Variants in WNT4 observed in about 807,000 individuals in gnomAD.
WNT4 encodes Wnt family member 4, also known as protein Wnt-4.
In WNT4, 16 loss-of-function variants were observed where a neutral mutation model predicts 34.5. The ratio of observed to expected loss-of-function variants is 0.46; its 90% CI spans 0.31 to 0.70. WNT4 has a LOEUF of 0.70. WNT4 is among the 30% of genes least tolerant of loss of function. The pLI, the probability that WNT4 is intolerant of heterozygous loss-of-function variation, is 0.04. For missense variants in WNT4, 379 were observed against 495.9 expected (o/e 0.76, Z 2.24); for synonymous variants, 200 against 211.9 (o/e 0.94, Z 0.49).
intron 4 of WNT4, 134 bp from the exon 5 acceptor site, chr1:22,120,651 CT>C: frequency 1.1e-6 from 1 of 909,910 alleles, no homozygotes. Flanking sequence ...TGTGCCTCCT[CT>C]TAGGAATTAC....
rs141055879 is a variant in WNT4, at chr1:22,132,169, C to T, written c.78-2318G>A. Among the ~76,000 whole-genome samples the T allele has an allele frequency of 3.2e-4, 48 of 152,330 alleles. No homozygotes were observed. In the East Asian group the frequency reaches 7.7e-3, roughly 24 times the overall value. On this transcript the variant is annotated intron_variant, in intron 1 of 4. Transcript: ENST00000290167. The stretch of plus-strand genomic sequence containing the variant: ...TGGGGGGACAAGGAATTGAGCCTGA[C>T]GTTGGATCCTTTCCTGCTCAGACCG...
chr1:22,123,993 C>T (rs1160633359), intron 2 of WNT4, among the ~76,000 whole-genome samples: 1 of 152,218 alleles, frequency 6.6e-6, no homozygotes, highest in African/African-American at 2.4e-5. Context: ...GCTCCTCCAG[C>T]CTTCTCTACC....
intron 1 of WNT4, among the ~76,000 whole-genome samples, chr1:22,141,446 C>G (rs1646065890): frequency 6.6e-6 from 1 of 152,160 alleles, no homozygotes; most frequent in Non-Finnish European, 1.5e-5. Context: ...CCCTCCCCAG[C>G]TCTGTGACCC....
intron 1 of WNT4, among the ~76,000 whole-genome samples, chr1:22,133,622 C>T (rs757013579): frequency 2.0e-5 from 3 of 152,264 alleles, no homozygotes; most frequent in Admixed American, 6.5e-5. Flanking sequence ...AATTTAGGCT[C>T]CTTCCTGCCA....
chr1:22,127,262 G>C (rs1458144177), intron 2 of WNT4: 1 of 514,188 alleles, frequency 1.9e-6, no homozygotes, highest in South Asian at 1.5e-5. Flanking sequence ...GGCCTAGTAG[G>C]AATCTCAGTG....
Position 22,142,705 on chromosome 1 carries a change from G to T in WNT4, c.77+141C>A. On this transcript the variant is annotated intron_variant, in intron 1 of 4. Coordinates refer to ENST00000290167, the MANE Select transcript of WNT4 (RefSeq NM_030761.5). This position sits in a 1 kb window ranked among gnomAD's most constrained non-coding sequence, Gnocchi z 6.0. ...CGTTCGGGCCGTGGCGGCGGCAGCG[G>T]AGCGAGCGAGCCTCCGGTCCCGCGG... 1 of 509,508 alleles carries T rather than the reference G, an allele frequency of 2.0e-6. No homozygotes were observed. Among genetic ancestry groups the T allele is most frequent in the African/African-American group, 2.1e-5 (1 of 47,990 alleles). The allele number at this position is 509,508 out of a possible 1,614,324, so 31.6% of individuals were successfully genotyped here.
intron 2 of WNT4, among the ~76,000 whole-genome samples, chr1:22,128,250 G>A (rs1177866414): frequency 1.3e-5 from 2 of 152,206 alleles, no homozygotes; most frequent in Non-Finnish European, 2.9e-5. Context: ...AAGCCCAGCA[G>A]CCCCGGCCGT....
chr1:22,118,292 G>A lies in WNT4; in HGVS notation c.*1758C>T, dbSNP rs1363922126. 2 of 152,218 alleles carry A rather than the reference G, an allele frequency of 1.3e-5. No homozygotes were observed. The highest frequency in any genetic ancestry group is 2.9e-5 in the Non-Finnish European group (2 of 68,048). 9.4% of individuals were successfully genotyped at this position (152,218 alleles called of 1,614,324 possible). On this transcript the variant is annotated 3_prime_UTR_variant, in exon 5 of 5. Transcript: ENST00000290167. ...AGCTTGGAGTCTGGGAACCCCAAGT[G>A]GGGGATCACAGAGCATAAAATCTCC...
At chr1:22,128,200 A>T (rs1645954802) in intron 2 of WNT4, among the ~76,000 whole-genome samples, 1 of 152,194 alleles carries the variant, frequency 6.6e-6, no homozygotes, top group Non-Finnish European at 1.5e-5. Flanking sequence ...CCAAATTTCT[A>T]TCACAGTTGG....
In WNT4 at chr1:22,142,928, C is replaced by A. The variant is rs1299178529; in HGVS notation, c.-6G>T. 1.8e-6 allele frequency: 2 copies of A among 1,129,446 alleles called. No homozygotes were observed. Among genetic ancestry groups the A allele is most frequent in the Non-Finnish European group, 2.2e-6 (2 of 902,614 alleles). The allele number at this position is 1,129,446 out of a possible 1,614,324, so 70.0% of individuals were successfully genotyped here. On this transcript the variant is annotated 5_prime_UTR_variant, in exon 1 of 5. Transcript: ENST00000290167. The surrounding 1 kb of genome is among the most constrained non-coding windows in gnomAD (Gnocchi z 6.0). ...AGGCACGAGCGGGGACTCATGGTGC[C>A]GCCGCGGGCGCCCGGCCCGGGGCAG...
At chr1:22,128,406 G>A (rs112116714) in intron 2 of WNT4, among the ~76,000 whole-genome samples, 213 of 152,344 alleles carry the variant, frequency 1.4e-3, no homozygotes, top group African/African-American at 5.1e-3. Context: ...ATGGTTTAGA[G>A]TACTTCCTTG....
intron 1 of WNT4, among the ~76,000 whole-genome samples, chr1:22,133,077 A>G (rs1421858518): frequency 2.0e-5 from 3 of 152,144 alleles, no homozygotes; most frequent in African/African-American, 7.2e-5. Flanking sequence ...TCCCACAGCT[A>G]GAGCGGCGAG....
At chr1:22,131,875 G>T (rs142046105) in intron 1 of WNT4, among the ~76,000 whole-genome samples, 2 of 152,228 alleles carry the variant, frequency 1.3e-5, no homozygotes, top group Admixed American at 1.3e-4. Context: ...CAGACTGGTG[G>T]TGTCCTGACA....
At position 22,134,631 on chromosome 1, in the gene WNT4, G is replaced by C. The variant is rs190229031; in HGVS notation, c.78-4780C>G. Among the ~76,000 whole-genome samples, 306 of 152,314 alleles carry C rather than the reference G, an allele frequency of 2.0e-3. No individual in the cohort carries two copies. Among genetic ancestry groups the C allele is most frequent in the African/African-American group, 7.0e-3 (292 of 41,562 alleles). ...GCCTCAGCGTGTTCATCTGTAAAGT[G>C]GGGAGACTGGAATTCCTGCACGCAG... On this transcript the variant is annotated intron_variant, in intron 1 of 4. Coordinates refer to ENST00000290167, the MANE Select transcript of WNT4 (RefSeq NM_030761.5). The surrounding 1 kb of genome is among the most constrained non-coding windows in gnomAD (Gnocchi z 4.1).
intron 2 of WNT4, among the ~76,000 whole-genome samples, chr1:22,126,488 C>T (rs756371180): frequency 6.6e-6 from 1 of 152,202 alleles, no homozygotes; most frequent in African/African-American, 2.4e-5. Context: ...TGCCAAGTCT[C>T]CTTTCTCAGC....
chr1:22,123,752 G>T (rs930011895), intron 2 of WNT4, among the ~76,000 whole-genome samples: 2 of 152,144 alleles, frequency 1.3e-5, no homozygotes, highest in African/African-American at 2.4e-5. Context: ...GCCTCCCAGA[G>T]GCTCTGAGCC....
rs568362921 is a variant in WNT4, at chr1:22,129,603, G to T, written c.313+13C>A. The stretch of plus-strand genomic sequence containing the variant: ...CGCAGGCTCCCCTGCAGCCCCGCAC[G>T]CCCTTCCCTCACCTTGCGTCACCAC... On this transcript the variant is annotated intron_variant, in intron 2 of 4. Transcript: ENST00000290167. The T allele has an allele frequency of 3.7e-6, 6 of 1,611,056 alleles. No individual in the cohort carries two copies. The highest frequency in any genetic ancestry group is 5.1e-6 in the Non-Finnish European group (6 of 1,179,070).
At chr1:22,126,408 C>T (rs1044599190) in intron 2 of WNT4, among the ~76,000 whole-genome samples, 9 of 152,282 alleles carry the variant, frequency 5.9e-5, no homozygotes, top group African/African-American at 1.4e-4. Context: ...AGAGAGGGCA[C>T]GGACCTTCCC....
intron 1 of WNT4, among the ~76,000 whole-genome samples, chr1:22,131,142 T>G (rs916088990): frequency 2.0e-5 from 3 of 152,214 alleles, no homozygotes; most frequent in African/African-American, 7.2e-5. Context: ...GCTCAAAGAC[T>G]AGAATTGACA....
Sources: allele counts gnomAD v4.1 joint callset (sites outside exome capture counted in the v4.1 genomes callset), GRCh38; gene constraint gnomAD v4.1.1; non-coding constraint Gnocchi (gnomAD v3.1); transcripts MANE v1.5; gene names NCBI Gene and HGNC (gene_info 2026-07-23, HGNC 2026-07-21).